The following ERMP1 variants were observed in gnomAD, a reference collection of about 807,000 sequenced individuals.
ERMP1 encodes endoplasmic reticulum metallopeptidase 1, also known as Felix-ina.
In ERMP1, 86 loss-of-function variants were observed where a neutral mutation model predicts 92.0. The observed-to-expected ratio is 0.93, with a 90% CI of 0.79 to 1.12. ERMP1 has a LOEUF of 1.12. Ranked by LOEUF, ERMP1 falls within the 50% of genes most tolerant of loss-of-function variation. The probability of loss-of-function intolerance (pLI) is 0.00; values close to 1 mark genes in which losing one functional copy is unlikely to be tolerated. For missense variants in ERMP1, 1,342 were observed against 1,116.3 expected (o/e 1.20, Z -2.88); for synonymous variants, 530 against 412.8 (o/e 1.28, Z -3.44).
At chr9:5,802,319 C>T (rs1828702729) in intron 10 of ERMP1, among the ~76,000 whole-genome samples, 1 of 152,154 alleles carries the variant, frequency 6.6e-6, no homozygotes, top group Non-Finnish European at 1.5e-5. Flanking sequence ...CCCACCTCCC[C>T]TTTATGCCTT....
At chr9:5,813,846 G>A (rs1006554177) in intron 4 of ERMP1, among the ~76,000 whole-genome samples, 2 of 148,328 alleles carry the variant, frequency 1.3e-5, no homozygotes, top group Admixed American at 1.4e-4. Context: ...GGGATACATT[G>A]TTTTATAATT....
At chr9:5,865,222 G>A (rs1202707322) in intron 5 of ERMP1, among the ~76,000 whole-genome samples, 1 of 152,120 alleles carries the variant, frequency 6.6e-6, no homozygotes, top group African/African-American at 2.4e-5. Flanking sequence ...AAATTTATAT[G>A]TAGGCTGGGC....
upstream of ERMP1, among the ~76,000 whole-genome samples, chr9:5,836,539 C>A (rs895796974): frequency 1.1e-4 from 17 of 152,158 alleles, no homozygotes; most frequent in Non-Finnish European, 2.1e-4. Flanking sequence ...GGTGCTGTTG[C>A]GGATAGCTTG....
intron 6 of ERMP1, among the ~76,000 whole-genome samples, chr9:5,850,119 C>A (rs973048115): frequency 6.6e-6 from 1 of 152,086 alleles, no homozygotes; most frequent in Non-Finnish European, 1.5e-5. Flanking sequence ...GTCTCCCCCC[C>A]TTTACACTCT....
At chr9:5,835,209 C>T (rs1044791603), upstream of ERMP1, among the ~76,000 whole-genome samples, 10 of 152,176 alleles carry the variant, frequency 6.6e-5, no homozygotes, top group African/African-American at 2.4e-4. Context: ...GTATAGTCTA[C>T]GGTATTCACG....
intron 6 of ERMP1, among the ~76,000 whole-genome samples, chr9:5,842,037 C>G (rs1830170594): frequency 6.6e-6 from 1 of 151,772 alleles, no homozygotes; most frequent in African/African-American, 2.4e-5. Flanking sequence ...CAGACCTTCA[C>G]AGTGAGCGTT....
intron 13 of ERMP1, among the ~76,000 whole-genome samples, chr9:5,796,206 C>A (rs1456211484): frequency 6.6e-6 from 1 of 152,148 alleles, no homozygotes; most frequent in Non-Finnish European, 1.5e-5. Context: ...TATTGACAAA[C>A]TGATTCTAAA....
chr9:5,822,183 C>T (rs1176022590), intron 4 of ERMP1, among the ~76,000 whole-genome samples: 3 of 151,912 alleles, frequency 2.0e-5, no homozygotes, highest in Non-Finnish European at 4.4e-5. Context: ...GCTCTCAAGG[C>T]AGAGGTTGCA....
At chr9:5,850,387 G>A (rs550737794) in intron 6 of ERMP1, among the ~76,000 whole-genome samples, 92 of 81,744 alleles carry the variant, frequency 1.1e-3, no homozygotes, top group African/African-American at 4.2e-3. Flanking sequence ...CCTGGGCGAC[G>A]AGAATGAAAC....
rs1372772801 is a variant in ERMP1 at position 5,812,199 on chromosome 9, A to G, written c.1040T>C (p.Ile347Thr). ...GGTGTGATAAATGTATCCATTCTCA[A>G]TAAAAGCTAAGTCTATTCCTAAAAC... ...GNIPGIDLAF[I>T]ENGYIYHTKY... Residue 347 changes from isoleucine to threonine, a missense_variant, in exon 6 of 15, where the codon ATT becomes ACT. Transcript: ENST00000339450. 1.2e-6 allele frequency: 2 copies of G among 1,602,446 alleles called. No individual in the cohort carries two copies. Among genetic ancestry groups the G allele is most frequent in the Non-Finnish European group, 1.7e-6 (2 of 1,172,392 alleles).
intron 2 of ERMP1, among the ~76,000 whole-genome samples, chr9:5,829,389 T>C (rs1324461226): frequency 6.6e-6 from 1 of 152,212 alleles, no homozygotes; most frequent in Non-Finnish European, 1.5e-5. Context: ...AATCATTTTA[T>C]CAAGCAAATA....
chr9:5,864,753 C>G (rs17493561), intron 5 of ERMP1, among the ~76,000 whole-genome samples: 6,963 of 152,278 alleles, frequency 0.046, 216 homozygotes, highest in Middle Eastern at 0.14. Flanking sequence ...GCATTAACCC[C>G]TGTATTCCCT....
At chr9:5,857,634 A>T (rs1395032235) in intron 6 of ERMP1, among the ~76,000 whole-genome samples, 1 of 152,232 alleles carries the variant, frequency 6.6e-6, no homozygotes, top group Non-Finnish European at 1.5e-5. Context: ...ACCTGTCAAT[A>T]CCATCTTATA....
chr9:5,804,791 A>G (rs1828807321), intron 10 of ERMP1, among the ~76,000 whole-genome samples: 1 of 152,066 alleles, frequency 6.6e-6, no homozygotes, highest in African/African-American at 2.4e-5. Context: ...AAAGAGGTAA[A>G]TCAGAGAATT....
upstream of ERMP1, among the ~76,000 whole-genome samples, chr9:5,836,381 T>A (rs1177739843): frequency 6.6e-6 from 1 of 152,142 alleles, no homozygotes. Flanking sequence ...GACATTCAAA[T>A]CAGGTGAGGT....
At chr9:5,851,476 G>A (rs1830306332) in intron 6 of ERMP1, among the ~76,000 whole-genome samples, 1 of 152,196 alleles carries the variant, frequency 6.6e-6, no homozygotes, top group Non-Finnish European at 1.5e-5. Context: ...AAGATGGAGA[G>A]AAGAAACACA....
rs772417997 is a variant in ERMP1 at position 5,787,188 on chromosome 9, A to G, written c.2671T>C (p.Phe891Leu). The G allele has an allele frequency of 6.2e-7, 1 of 1,614,142 alleles. No homozygotes were observed. The highest frequency in any genetic ancestry group is 1.1e-5 in the South Asian group (1 of 91,074). The change falls in exon 15 of 15, where the codon TTT becomes CTT. Residue 891 changes from phenylalanine (F) to leucine (L), a missense_variant. Physicochemically the swap from Phe to Leu is conservative, Grantham distance 22 (BLOSUM62 0). Coordinates refer to ENST00000339450, the MANE Select transcript of ERMP1 (RefSeq NM_024896.3). ...TAGGTGCACACCCAGGCAGAGGGAA[A>G]TGTCCAATCTGGGAACTTTTCCTTC... ...ALKEKFPDWT[F>L]PSAWVCTYDL...
At position 5,832,910 on chromosome 9, in the gene ERMP1, C is replaced by A. The variant is rs986669443; in HGVS notation, c.118G>T (p.Val40Leu). ...EREARAQEPL[V>L]DGCSGGGRTR... Reference sequence around the variant, plus strand: ...CTCCCGCCGCCGCTGCACCCATCCACCAGAGGCTCCTGCGCTCGGGCCTCC... The same window carrying A: ...CTCCCGCCGCCGCTGCACCCATCCAACAGAGGCTCCTGCGCTCGGGCCTCC... The change falls in exon 1 of 15, where the codon GTG (valine) becomes TTG (leucine). Residue 40 changes from valine (V) to leucine (L), a missense_variant. By Grantham distance (32) the Val-to-Leu change is conservative. Transcript: ENST00000339450. 4 of 1,560,642 alleles carry A rather than the reference C, an allele frequency of 2.6e-6. No homozygotes were observed. In the African/African-American group the frequency reaches 4.2e-5, roughly 17 times the overall value.
intron 6 of ERMP1, among the ~76,000 whole-genome samples, chr9:5,846,802 G>T (rs1830239762): frequency 6.6e-6 from 1 of 152,302 alleles, no homozygotes; most frequent in East Asian, 1.9e-4. Flanking sequence ...ACTTGTTTGT[G>T]TTTATGGACA....
Sources: allele counts gnomAD v4.1 joint callset (sites outside exome capture counted in the v4.1 genomes callset), GRCh38; gene constraint gnomAD v4.1.1; transcripts MANE v1.5; gene names NCBI Gene and HGNC (gene_info 2026-07-23, HGNC 2026-07-21).